Variants in SAR1B observed in about 807,000 individuals in gnomAD.
SAR1B encodes the protein secretion associated Ras related GTPase 1B, also known as small COPII coat GTPase SAR1B.
In SAR1B, 23 loss-of-function variants were observed where a neutral mutation model predicts 26.8. The observed-to-expected ratio is 0.86, with a 90% CI of 0.62 to 1.22. The LOEUF (loss-of-function observed/expected upper bound fraction) is 1.22, where lower values mean the gene tolerates loss of function less well. Among genes scored for constraint, SAR1B ranks in the 50% most tolerant of loss-of-function variants. The pLI is 0.00. For synonymous variants in SAR1B, 65 were observed against 80.8 expected (o/e 0.80, Z 1.05); for missense variants, 196 against 232.8 (o/e 0.84, Z 1.03).
chr5:134,628,053 C>T (rs1156722816), intron 1 of SAR1B, among the ~76,000 whole-genome samples: 2 of 150,842 alleles, frequency 1.3e-5, no homozygotes, highest in Non-Finnish European at 3.0e-5. Context: ...GCAGGAGAAT[C>T]GCTCAAACCT....
intron 1 of SAR1B, among the ~76,000 whole-genome samples, chr5:134,626,370 A>G (rs1042389246): frequency 2.7e-5 from 4 of 150,880 alleles, no homozygotes; most frequent in Admixed American, 2.0e-4. Context: ...AGGAGTAATT[A>G]GAAACAGAAT....
chr5:134,623,899 T>G, intron 2 of SAR1B, 63 bp downstream of exon 2: 2 of 1,073,550 alleles, frequency 1.9e-6, no homozygotes, highest in Admixed American at 1.7e-5. Flanking sequence ...TTGACACAGA[T>G]AAGCACTATT....
chr5:134,611,916 C>T (rs1025493085), intron 4 of SAR1B, among the ~76,000 whole-genome samples: 2 of 151,770 alleles, frequency 1.3e-5, no homozygotes, highest in African/African-American at 4.8e-5. Flanking sequence ...ATAATCCCAA[C>T]TTTTGGGAGA....
Position 134,607,070 on chromosome 5 carries a change from G to C in SAR1B, c.481-4C>G, listed in dbSNP as rs749523140. The C allele has an allele frequency of 1.3e-6, 2 of 1,537,600 alleles. No homozygotes were observed. The highest frequency in any genetic ancestry group is 2.2e-5 in the South Asian group (2 of 89,574). On this transcript the variant is annotated splice_region_variant and splice_polypyrimidine_tract_variant and intron_variant, in intron 6 of 6. Transcript: ENST00000402673. The stretch of plus-strand genomic sequence containing the variant: ...GTTCTTTCAGAGATATACTCCCCTA[G>C]AATAGAAGAGAGACATTTCGTTGGA...
At chr5:134,607,912 C>T (rs1389793248) in intron 6 of SAR1B, among the ~76,000 whole-genome samples, 2 of 152,000 alleles carry the variant, frequency 1.3e-5, no homozygotes, top group African/African-American at 4.8e-5. Context: ...TGATGTTTCC[C>T]CCAAAATAAA....
At chr5:134,622,027 T>A (rs536108436) in intron 2 of SAR1B, among the ~76,000 whole-genome samples, 1 of 152,190 alleles carries the variant, frequency 6.6e-6, no homozygotes, top group South Asian at 2.1e-4. Flanking sequence ...CCAGCCAAAC[T>A]TTATTTTTTA....
At chr5:134,629,992 G>A (rs1335209961) in intron 1 of SAR1B, among the ~76,000 whole-genome samples, 16 of 152,148 alleles carry the variant, frequency 1.1e-4, no homozygotes, top group Admixed American at 6.6e-5. Flanking sequence ...GCTGGGCACA[G>A]TGGCTCATAT....
chr5:134,622,076 G>C (rs1484937083), intron 2 of SAR1B, among the ~76,000 whole-genome samples: 3 of 152,084 alleles, frequency 2.0e-5, no homozygotes, highest in African/African-American at 7.2e-5. Flanking sequence ...TTACATGTGA[G>C]CCACCACACC....
At chr5:134,624,115 A>C in intron 1 of SAR1B, 78 bp from the exon 2 acceptor site, 4 of 820,862 alleles carry the variant, frequency 4.9e-6, no homozygotes, top group Non-Finnish European at 6.4e-6. Context: ...TTAAACACCA[A>C]CTCTGAGTAG....
At chr5:134,629,763 G>A (rs1474114595) in intron 1 of SAR1B, among the ~76,000 whole-genome samples, 2 of 151,580 alleles carry the variant, frequency 1.3e-5, no homozygotes. Context: ...GTAGGCACCT[G>A]TAGTTCCATC....
chr5:134,608,482 T>C lies in SAR1B; in HGVS notation c.370A>G (p.Ile124Val), dbSNP rs755378544. The C allele has an allele frequency of 1.7e-5, 27 of 1,612,392 alleles. No individual in the cohort carries two copies. The highest frequency in any genetic ancestry group is 1.7e-4 in the Admixed American group (10 of 59,880). The change falls in exon 6 of 7, where the codon ATT becomes GTT. Residue 124 changes from isoleucine (I) to valine (V), a missense_variant. Transcript: ENST00000402673. ...ELDSLMTDET[I>V]ANVPILILGN... is the part of the protein sequence containing the mutation. The stretch of plus-strand genomic sequence containing the variant: ...AGAATCAGTATAGGCACATTAGCAA[T>C]GGTTTCATCTGTCATTAGTGACTGA...
At chr5:134,622,638 C>T (rs1765429351) in intron 2 of SAR1B, among the ~76,000 whole-genome samples, 1 of 151,262 alleles carries the variant, frequency 6.6e-6, no homozygotes, top group East Asian at 2.0e-4. Context: ...TCTTGATCTC[C>T]TGACCTCATG....
rs1765130260 is a variant in SAR1B, at chr5:134,606,501, T to C, written c.*449A>G. On this transcript the variant is annotated 3_prime_UTR_variant, in exon 7 of 7. Transcript: ENST00000402673. ...AAAAGTTATTGAAAACTGTAAGGCA[T>C]CATGCAATCATTGAATAAGCTAATT... 5.5e-6 allele frequency: 1 copy of C among 181,898 alleles called. No individual in the cohort carries two copies. The highest frequency in any genetic ancestry group is 2.4e-5 in the African/African-American group (1 of 41,878). 11.3% of individuals were successfully genotyped at this position (181,898 alleles called of 1,614,324 possible). A position where few individuals can be genotyped will look rare whatever the true frequency, so the allele number is the denominator to read the frequency against.
chr5:134,610,491 C>G (rs1303121321), intron 4 of SAR1B, among the ~76,000 whole-genome samples: 1 of 149,450 alleles, frequency 6.7e-6, no homozygotes, highest in Non-Finnish European at 1.5e-5. Context: ...CACCTGAACC[C>G]GGGAGGTGGA....
chr5:134,629,885 CAAAAAAAAAAAAAAG>C (rs1295490644), intron 1 of SAR1B, among the ~76,000 whole-genome samples: 3 of 72,020 alleles, frequency 4.2e-5, no homozygotes, highest in Non-Finnish European at 5.6e-5. Flanking sequence ...CATTCTGTCT[CAAAAAAAAAAAAAAG>C]AAAAAAAAGA....
intron 5 of SAR1B, among the ~76,000 whole-genome samples, 194 bp downstream of exon 5, chr5:134,609,377 T>C (rs1169556661): frequency 6.6e-6 from 1 of 152,156 alleles, no homozygotes; most frequent in African/African-American, 2.4e-5. Context: ...ACTTCCTCAA[T>C]AGCTACAATT....
intron 1 of SAR1B, among the ~76,000 whole-genome samples, chr5:134,626,298 C>CAAAAAAA (rs35668627): frequency 3.2e-4 from 17 of 53,122 alleles, no homozygotes; most frequent in South Asian, 2.1e-3. Context: ...GACTCTGCCT[C>CAAAAAAA]AAAAAAAAAA....
At chr5:134,625,738 A>T (rs1179058901) in intron 1 of SAR1B, 2 of 152,220 alleles carry the variant, frequency 1.3e-5, no homozygotes, top group Non-Finnish European at 2.9e-5. Flanking sequence ...AAGCCAGGCT[A>T]GAGGGTACAC....
chr5:134,612,681 A>AAAAATAAAATT lies in SAR1B; in HGVS notation c.244+9_244+10insAATTTTATTTT. ...AAAAAAAAAAAAAAAAAAAAAAAAAAGAATCTTACCTTGAACATGTCCACC... is the reference window on the plus strand; with the variant it reads ...AAAAAAAAAAAAAAAAAAAAAAAAAAAAAATAAAATTGAATCTTACCTTGAACATGTCCACC... On this transcript the variant is annotated intron_variant, in intron 4 of 6. Transcript: ENST00000402673. 1 of 1,124,730 alleles carries AAAAATAAAATT rather than the reference A, an allele frequency of 8.9e-7. No individual in the cohort carries two copies. Among genetic ancestry groups the AAAAATAAAATT allele is most frequent in the Non-Finnish European group, 1.2e-6 (1 of 836,278 alleles). 69.7% of individuals were successfully genotyped at this position (1,124,730 alleles called of 1,614,324 possible).
Sources: allele counts gnomAD v4.1 joint callset (sites outside exome capture counted in the v4.1 genomes callset), GRCh38; gene constraint gnomAD v4.1.1; transcripts MANE v1.5; gene names NCBI Gene and HGNC (gene_info 2026-07-23, HGNC 2026-07-21).